The following UQCC1 variants were observed in gnomAD, a reference collection of about 807,000 sequenced individuals.
UQCC1 encodes ubiquinol-cytochrome c reductase complex assembly factor 1, also known as bFGF-repressed Zic-binding protein.
Under a neutral mutation model 48.0 loss-of-function variants are expected in UQCC1, and 38 were observed. The ratio of observed to expected loss-of-function variants is 0.79; its 90% CI spans 0.61 to 1.04. The LOEUF (loss-of-function observed/expected upper bound fraction) is 1.04, where lower values mean the gene tolerates loss of function less well. UQCC1 is among the 50% of genes least tolerant of loss of function. The pLI is 0.00. For synonymous variants in UQCC1, 111 were observed against 129.2 expected (o/e 0.86, Z 0.95); for missense variants, 368 against 381.8 (o/e 0.96, Z 0.30).
chr20:35,368,813 C>A (rs1403414461), intron 5 of UQCC1, among the ~76,000 whole-genome samples: 3 of 152,142 alleles, frequency 2.0e-5, no homozygotes, highest in African/African-American at 7.2e-5. Flanking sequence ...AAGTCGACTT[C>A]CTCTCAGAGC....
chr20:35,311,184 C>T (rs781574234), intron 8 of UQCC1, among the ~76,000 whole-genome samples: 8 of 152,042 alleles, frequency 5.3e-5, no homozygotes, highest in Non-Finnish European at 1.2e-4. Flanking sequence ...GGCAAACGGC[C>T]TAAGAGAGAG....
chr20:35,371,214 G>C (rs1237389791), intron 5 of UQCC1, among the ~76,000 whole-genome samples: 1 of 152,000 alleles, frequency 6.6e-6, no homozygotes, highest in Non-Finnish European at 1.5e-5. Context: ...CTTCAATAAT[G>C]AACAGCTGGC....
At chr20:35,386,212 A>G in intron 2 of UQCC1, 1 of 390,384 alleles carries the variant, frequency 2.6e-6, no homozygotes, top group South Asian at 1.9e-5. Context: ...AAGAATCTAT[A>G]GCCAAAATAA....
At position 35,373,401 on chromosome 20, in the gene UQCC1, A is replaced by G. The variant is rs140137509; in HGVS notation, c.406+783T>C. 4.5e-3 allele frequency among the ~76,000 whole-genome samples: 689 copies of G among 152,296 alleles called. 9 individuals are homozygous for G. Among genetic ancestry groups the G allele is most frequent in the African/African-American group, 0.016 (671 of 41,574 alleles). On this transcript the variant is annotated intron_variant, in intron 5 of 9. Coordinates refer to ENST00000374385, the MANE Select transcript of UQCC1 (RefSeq NM_018244.5). Reference sequence around the variant, plus strand: ...CTAAGTAAAACATCCAGAATGGGCCAGGCACAGTGGCTCACGCCTGTAATC... The same window carrying G: ...CTAAGTAAAACATCCAGAATGGGCCGGGCACAGTGGCTCACGCCTGTAATC...
chr20:35,309,479 A>G (rs1392386344), intron 8 of UQCC1, among the ~76,000 whole-genome samples: 2 of 152,162 alleles, frequency 1.3e-5, no homozygotes, highest in Non-Finnish European at 2.9e-5. Context: ...ACACAACTTC[A>G]GCCTTCTTCC....
intron 4 of UQCC1, among the ~76,000 whole-genome samples, chr20:35,379,246 A>G (rs1401896841): frequency 6.6e-6 from 1 of 152,250 alleles, no homozygotes. Flanking sequence ...GGAATAACAC[A>G]TGAAACCTAA....
intron 8 of UQCC1, among the ~76,000 whole-genome samples, chr20:35,311,983 T>C (rs1187701412): frequency 6.6e-6 from 1 of 152,082 alleles, no homozygotes. Context: ...TCAGGCACAG[T>C]TGGGTAAAAT....
At chr20:35,363,212 G>A (rs895233356) in intron 6 of UQCC1, among the ~76,000 whole-genome samples, 29 of 152,124 alleles carry the variant, frequency 1.9e-4, no homozygotes, top group African/African-American at 6.3e-4. Flanking sequence ...TGACTGAGCA[G>A]GTGAAGGGGT....
At chr20:35,399,497 C>G (rs1340193203) in intron 1 of UQCC1, among the ~76,000 whole-genome samples, 1 of 152,082 alleles carries the variant, frequency 6.6e-6, no homozygotes, top group East Asian at 1.9e-4. Flanking sequence ...TGCTAATTTC[C>G]TTGTAGTAAT....
rs747103797 is a variant in UQCC1 at position 35,306,667 on chromosome 20, T to C, written c.764A>G (p.Gln255Arg). 1.2e-6 allele frequency: 2 copies of C among 1,612,864 alleles called. No individual in the cohort carries two copies. Among genetic ancestry groups the C allele is most frequent in the Non-Finnish European group, 1.7e-6 (2 of 1,179,118 alleles). The change falls in exon 9 of 10, where the codon CAG (glutamine) becomes CGG (arginine). Residue 255 changes from glutamine to arginine, a missense_variant and splice_region_variant. Transcript: ENST00000374385. ...LELLVEYVRK[Q>R]IQYLDSMNGE... is the part of the protein sequence containing the mutation. ...GAGGGGAGGGAAAGGGTCACTCACC[T>C]GTTTCCTCACATACTCTACCAGCAA... is the stretch of plus-strand genomic sequence containing the variant.
At chr20:35,324,647 A>T (rs2061172284) in intron 7 of UQCC1, among the ~76,000 whole-genome samples, 1 of 152,184 alleles carries the variant, frequency 6.6e-6, no homozygotes, top group South Asian at 2.1e-4. Flanking sequence ...TTCCATTTAC[A>T]CCCACTAGGA....
intron 1 of UQCC1, among the ~76,000 whole-genome samples, chr20:35,399,183 T>G (rs751548913): frequency 6.6e-5 from 10 of 152,166 alleles, no homozygotes; most frequent in Non-Finnish European, 1.3e-4. Context: ...AAAACACAAC[T>G]AAAGGCATCA....
chr20:35,399,582 G>A lies in UQCC1; in HGVS notation c.25-5386C>T, dbSNP rs1203155633. Among the ~76,000 whole-genome samples the A allele has an allele frequency of 2.6e-5, 4 of 152,136 alleles. No homozygotes were observed. In the South Asian group the frequency reaches 6.2e-4, roughly 24 times the overall value. On this transcript the variant is annotated intron_variant, in intron 1 of 9. Coordinates refer to ENST00000374385, the MANE Select transcript of UQCC1 (RefSeq NM_018244.5). ...TTCAAGAAATCTCTCTAGGCCGGGC[G>A]CAGTGGCTCACATCTGTAATCCCAG...
At chr20:35,335,513 A>T (rs1386023265) in intron 7 of UQCC1, among the ~76,000 whole-genome samples, 1 of 152,258 alleles carries the variant, frequency 6.6e-6, no homozygotes, top group Non-Finnish European at 1.5e-5. Context: ...TACTGAAAAT[A>T]TGCCACAACA....
chr20:35,314,371 G>C (rs537121101), intron 8 of UQCC1, among the ~76,000 whole-genome samples: 1 of 151,772 alleles, frequency 6.6e-6, no homozygotes, highest in East Asian at 1.9e-4. Flanking sequence ...CTCTCTCTGG[G>C]AGCACATGGG....
chr20:35,374,218 A>C lies in UQCC1; in HGVS notation c.372T>G (p.Cys124Trp), dbSNP rs756484157. 25 of 1,612,810 alleles carry C rather than the reference A, an allele frequency of 1.6e-5. No individual in the cohort carries two copies. In the South Asian group the frequency reaches 1.9e-4, roughly 12 times the overall value. The change falls in exon 5 of 10, where the codon TGT (cysteine) becomes TGG (tryptophan). Residue 124 changes from cysteine to tryptophan, a missense_variant. Transcript: ENST00000374385. ...ATTCCTCGAAGTCAGTTTTCTCCAC[A>C]CAGCTAGTATACATGCGCAGGGCCG... Reference protein sequence around the residue: ...KIAALRMYTSCVEKTDFEEFF... With the variant: ...KIAALRMYTSWVEKTDFEEFF...
chr20:35,370,751 T>C (rs1323804738), intron 5 of UQCC1, among the ~76,000 whole-genome samples: 2 of 152,192 alleles, frequency 1.3e-5, no homozygotes, highest in Admixed American at 1.3e-4. Context: ...CCAATACTAA[T>C]AGAAAATCTC....
At chr20:35,304,287 G>A (rs1360019097) in intron 9 of UQCC1, among the ~76,000 whole-genome samples, 1 of 152,182 alleles carries the variant, frequency 6.6e-6, no homozygotes, top group Admixed American at 6.5e-5. Flanking sequence ...CAGTCACTGG[G>A]GAGCTGGGTG....
chr20:35,321,283 T>TGTGTGTGTGTGTGCGCGCGC (rs1389196330), intron 7 of UQCC1, among the ~76,000 whole-genome samples: 5 of 141,536 alleles, frequency 3.5e-5, no homozygotes, highest in African/African-American at 1.4e-4. Flanking sequence ...TGTGTGTGTG[T>TGTGTGTGTGTGTGCGCGCGC]GCGCGCGCGC....
Sources: gnomAD v4.1 joint callset for allele counts (sites outside exome capture counted in the v4.1 genomes callset) on GRCh38, gnomAD v4.1.1 for gene constraint, MANE v1.5 for transcripts, NCBI Gene and HGNC (gene_info 2026-07-23, HGNC 2026-07-21) for gene names.